PRKRA: variants seen among roughly 807,000 people sequenced by gnomAD.
PRKRA encodes the protein protein activator of interferon induced protein kinase EIF2AK2, also known as interferon-inducible double-stranded RNA-dependent protein kinase activator A.
A neutral mutation model predicts 32.4 loss-of-function variants in PRKRA; 22 were observed. The observed-to-expected ratio is 0.68, with a 90% CI of 0.49 to 0.97. The LOEUF (loss-of-function observed/expected upper bound fraction) is 0.97, where lower values mean the gene tolerates loss of function less well. PRKRA is among the 50% of genes least tolerant of loss of function. The probability of loss-of-function intolerance (pLI) is 0.00; values close to 1 mark genes in which losing one functional copy is unlikely to be tolerated. For missense variants in PRKRA, 319 were observed against 375.6 expected, an observed-to-expected ratio of 0.85 and a Z score of 1.25; for synonymous variants, 139 against 129.8, an observed-to-expected ratio of 1.07 and a Z score of -0.48.
intron 2 of PRKRA, among the ~76,000 whole-genome samples, chr2:178,449,319 A>G (rs1162802874): frequency 6.6e-6 from 1 of 152,204 alleles, no homozygotes; most frequent in Non-Finnish European, 1.5e-5. Context: ...CCTCACACAA[A>G]AAGTTTTAAA....
chr2:178,450,648 G>T, intron 1 of PRKRA: 1 of 1,441,754 alleles, frequency 6.9e-7, no homozygotes, highest in Non-Finnish European at 9.0e-7. Flanking sequence ...AATGCGGGTA[G>T]GAGAGATTCT....
intron 1 of PRKRA, chr2:178,450,693 C>G (rs1697564521): frequency 7.1e-7 from 1 of 1,412,066 alleles, no homozygotes; most frequent in South Asian, 1.6e-5. Flanking sequence ...GCCGCAGCCT[C>G]TCAGGGAAAA....
chr2:178,445,241 T>A (rs1364683883), intron 3 of PRKRA, among the ~76,000 whole-genome samples: 1 of 152,208 alleles, frequency 6.6e-6, no homozygotes, highest in Non-Finnish European at 1.5e-5. Context: ...AATTACTAGT[T>A]ACTTAGCAGG....
At chr2:178,447,965 A>T (rs1697386577) in intron 2 of PRKRA, among the ~76,000 whole-genome samples, 2 of 152,180 alleles carry the variant, frequency 1.3e-5, no homozygotes, top group Non-Finnish European at 2.9e-5. Flanking sequence ...TTATTCCTGG[A>T]GGGGAAATTC....
In PRKRA at chr2:178,447,516, A is replaced by G. The variant is rs1697367246; in HGVS notation, c.306T>C (p.Asn102=). 1.9e-6 allele frequency: 3 copies of G among 1,614,144 alleles called. No homozygotes were observed. In the Admixed American group the frequency reaches 5.0e-5, roughly 27 times the overall value. Residue 102 remains asparagine, a synonymous_variant, in exon 3 of 8, where the codon AAT becomes AAC. Coordinates refer to ENST00000325748, the MANE Select transcript of PRKRA (RefSeq NM_003690.5). ...AEAAINILKA[N]ASICFAVPDP... ...GAAATTTAGCTCACCAAATACTTGC[A>G]TTGGCTTTCAAAATGTTTATGGCAG...
rs906895158 is a variant in PRKRA at position 178,450,585 on chromosome 2, A to C, written c.66-174T>G. 5.3e-6 allele frequency: 8 copies of C among 1,496,640 alleles called. No individual in the cohort carries two copies. In the African/African-American group the frequency reaches 8.4e-5, roughly 16 times the overall value. The allele number at this position is 1,496,640 out of a possible 1,614,324, so 92.7% of individuals were successfully genotyped here. A position where few individuals can be genotyped will look rare whatever the true frequency, so the allele number is the denominator to read the frequency against. On this transcript the variant is annotated intron_variant, in intron 1 of 7. Transcript: ENST00000325748. Reference sequence around the variant, plus strand: ...ACCTGTCTTCCGGCCCCGCTGCGGCAGTCACTCCGCAGGAGCAGGCGGGGT... The same window carrying C: ...ACCTGTCTTCCGGCCCCGCTGCGGCCGTCACTCCGCAGGAGCAGGCGGGGT...
chr2:178,450,657 C>T (rs965684284), intron 1 of PRKRA: 131 of 1,437,776 alleles, frequency 9.1e-5, no homozygotes, highest in Admixed American at 2.8e-4. Flanking sequence ...AGGAGAGATT[C>T]TCAACAGAAC....
At chr2:178,432,725 T>C (rs984165413) in intron 7 of PRKRA, among the ~76,000 whole-genome samples, 1 of 152,214 alleles carries the variant, frequency 6.6e-6, no homozygotes, top group African/African-American at 2.4e-5. Context: ...GAACCAGGAA[T>C]AACTTCGGTC....
intron 6 of PRKRA, 120 bp from the exon 7 acceptor site, chr2:178,436,439 A>ACATT (rs1696900715): frequency 1.2e-6 from 1 of 810,196 alleles, no homozygotes; most frequent in East Asian, 2.7e-5. Flanking sequence ...GCATGTTTAA[A>ACATT]TGGATAACAT....
chr2:178,436,432 T>C lies in PRKRA; in HGVS notation c.610-113A>G. 5.7e-6 allele frequency: 5 copies of C among 871,682 alleles called. No individual in the cohort carries two copies. The Admixed American group carries it at 6.2e-5, about 11-fold the overall frequency. 54.0% of individuals were successfully genotyped at this position (871,682 alleles called of 1,614,324 possible). A position where few individuals can be genotyped will look rare whatever the true frequency, so the allele number is the denominator to read the frequency against. On this transcript the variant is annotated intron_variant, in intron 6 of 7. Coordinates refer to ENST00000325748, the MANE Select transcript of PRKRA (RefSeq NM_003690.5). ...CTCACATTTAATATGTTATAAAGCATGTTTAAATGGATAACATTTGGTTAA... is the reference window on the plus strand; with the variant it reads ...CTCACATTTAATATGTTATAAAGCACGTTTAAATGGATAACATTTGGTTAA...
intron 7 of PRKRA, among the ~76,000 whole-genome samples, chr2:178,434,741 T>C (rs1226779744): frequency 6.6e-6 from 1 of 152,104 alleles, no homozygotes; most frequent in Non-Finnish European, 1.5e-5. Context: ...TGCCCTACTT[T>C]CCCAGGGTCA....
chr2:178,450,884 C>G, intron 1 of PRKRA, 82 bp downstream of exon 1: 2 of 1,245,468 alleles, frequency 1.6e-6, no homozygotes, highest in Non-Finnish European at 2.0e-6. Context: ...ACCCAGAATG[C>G]CTCTGGAGGG....
chr2:178,441,496 G>A (rs937237115), intron 6 of PRKRA, 114 bp downstream of exon 6: 4 of 884,850 alleles, frequency 4.5e-6, no homozygotes, highest in Non-Finnish European at 7.3e-6. Context: ...GAATAATGAA[G>A]AGATTTCTAA....
At position 178,431,887 on chromosome 2, in the gene PRKRA, T is replaced by C. The variant is rs1485320915; in HGVS notation, c.*210A>G. ...CTACACTCTCTCTTGTGGTACAAAG[T>C]TTATAAATACAGTATACTGATACAA... is the stretch of plus-strand genomic sequence containing the variant. On this transcript the variant is annotated 3_prime_UTR_variant, in exon 8 of 8. Transcript: ENST00000325748. The C allele has an allele frequency of 1.6e-6, 1 of 640,976 alleles. No homozygotes were observed. The highest frequency in any genetic ancestry group is 2.6e-6 in the Non-Finnish European group (1 of 379,348). 39.7% of individuals were successfully genotyped at this position (640,976 alleles called of 1,614,324 possible).
At chr2:178,447,290 C>A in intron 3 of PRKRA, 1 of 712,070 alleles carries the variant, frequency 1.4e-6, no homozygotes, top group South Asian at 2.0e-5. Flanking sequence ...ACAGTAAAGC[C>A]TAGTTCATGA....
At chr2:178,444,679 A>T (rs2154125225) in intron 3 of PRKRA, among the ~76,000 whole-genome samples, 179 bp from the exon 4 acceptor site, 1 of 152,180 alleles carries the variant, frequency 6.6e-6, no homozygotes, top group Admixed American at 6.5e-5. Context: ...ATATATCTCA[A>T]ATGTCACTTC....
At chr2:178,442,231 TTTTC>T (rs368384397) in intron 5 of PRKRA, among the ~76,000 whole-genome samples, 86 of 152,330 alleles carry the variant, frequency 5.6e-4, no homozygotes, top group African/African-American at 2.0e-3. Context: ...TGTTTTAAGT[TTTTC>T]TTTAATAGTT....
intron 3 of PRKRA, among the ~76,000 whole-genome samples, chr2:178,446,948 C>G (rs942393059): frequency 2.3e-4 from 34 of 147,818 alleles, no homozygotes; most frequent in Non-Finnish European, 3.1e-4. Flanking sequence ...AGCCGAGATC[C>G]CGCCACTGCA....
At chr2:178,450,457 T>C (rs773563391) in intron 1 of PRKRA, 46 bp from the exon 2 acceptor site, 23 of 1,295,400 alleles carry the variant, frequency 1.8e-5, no homozygotes, top group East Asian at 8.7e-5. Flanking sequence ...AAATTGGAGA[T>C]TGAAGCAGAA....
Sources: allele counts gnomAD v4.1 joint callset (sites outside exome capture counted in the v4.1 genomes callset), GRCh38; gene constraint gnomAD v4.1.1; transcripts MANE v1.5; gene names NCBI Gene and HGNC (gene_info 2026-07-23, HGNC 2026-07-21).